The following ERC2 variants were observed in gnomAD, a reference collection of about 807,000 sequenced individuals.
The protein encoded by ERC2 is ERC protein 2.
Under a neutral mutation model 114.8 loss-of-function variants are expected in ERC2, and 42 were observed. The ratio of observed to expected loss-of-function variants is 0.37; its 90% CI spans 0.29 to 0.47. The LOEUF is 0.47. Ranked by LOEUF, ERC2 falls within the 20% of genes least tolerant of loss-of-function variation. The pLI is 0.99. For missense variants in ERC2, 939 were observed against 1,150.7 expected, an observed-to-expected ratio of 0.82 and a Z score of 2.66; for synonymous variants, 454 against 425.5, an observed-to-expected ratio of 1.07 and a Z score of -0.82.
chr3:56,080,719 T>C, intron 7 of ERC2, 98 bp downstream of exon 7: 1 of 1,225,808 alleles, frequency 8.2e-7, no homozygotes, highest in South Asian at 1.5e-5. Context: ...TTCCTAAAGA[T>C]TCGTAAAAGA....
chr3:56,152,995 A>G (rs1409814862), intron 4 of ERC2, among the ~76,000 whole-genome samples: 1 of 152,200 alleles, frequency 6.6e-6, no homozygotes, highest in Non-Finnish European at 1.5e-5. Context: ...GCACTAGCCC[A>G]TGACGGCTAT....
chr3:56,275,493 A>C (rs2053929964), intron 3 of ERC2, among the ~76,000 whole-genome samples: 2 of 152,232 alleles, frequency 1.3e-5, no homozygotes, highest in South Asian at 4.1e-4. Context: ...GCAGTTAAAC[A>C]ACTTGCCAGA....
At chr3:55,905,655 T>A (rs1156631460) in intron 13 of ERC2, among the ~76,000 whole-genome samples, 1 of 152,198 alleles carries the variant, frequency 6.6e-6, no homozygotes, top group South Asian at 2.1e-4. Context: ...TAGTATCTAT[T>A]GCCTTGCAAA....
intron 2 of ERC2, among the ~76,000 whole-genome samples, chr3:56,335,129 A>AG (rs1009132908): frequency 6.6e-6 from 1 of 152,234 alleles, no homozygotes; most frequent in Non-Finnish European, 1.5e-5. Flanking sequence ...TAATGGGCAT[A>AG]GGGCATCTAA....
At position 55,709,390 on chromosome 3, in the gene ERC2, A is replaced by C. The variant is rs564346604; in HGVS notation, c.2713-9878T>G. On this transcript the variant is annotated intron_variant, in intron 15 of 17. Coordinates refer to ENST00000288221, the MANE Select transcript of ERC2 (RefSeq NM_015576.3). Reference sequence around the variant, plus strand: ...AAAATAAATTATAACAAGCACATCAAAGAGAGGTTTCATAGAAATTATGTC... The same window carrying C: ...AAAATAAATTATAACAAGCACATCACAGAGAGGTTTCATAGAAATTATGTC... Among the ~76,000 whole-genome samples, 39 of 152,346 alleles carry C rather than the reference A, an allele frequency of 2.6e-4. No individual in the cohort carries two copies. The South Asian group carries it at 5.6e-3, about 22-fold the overall frequency.
chr3:55,967,792 G>A (rs891537084), intron 12 of ERC2, among the ~76,000 whole-genome samples: 1 of 152,072 alleles, frequency 6.6e-6, no homozygotes, highest in African/African-American at 2.4e-5. Context: ...CCTGGGAGTG[G>A]GTTCCTTATG....
chr3:55,583,324 T>C (rs1010381046), intron 17 of ERC2, among the ~76,000 whole-genome samples: 186 of 152,252 alleles, frequency 1.2e-3, no homozygotes, highest in Middle Eastern at 3.4e-3. Flanking sequence ...GTTTCCAGTG[T>C]GGAAGCTTGC....
At chr3:56,017,235 G>GGA (rs2073370090) in intron 8 of ERC2, among the ~76,000 whole-genome samples, 2 of 152,070 alleles carry the variant, frequency 1.3e-5, no homozygotes, top group South Asian at 4.1e-4. Context: ...TTGGAGGAGA[G>GGA]GAGAGAGCAT....
chr3:56,010,017 G>A (rs1393399348), intron 9 of ERC2, among the ~76,000 whole-genome samples: 1 of 152,130 alleles, frequency 6.6e-6, no homozygotes, highest in Non-Finnish European at 1.5e-5. Context: ...GTATTGGGTG[G>A]TCCCTTTGAA....
At chr3:55,846,070 A>G (rs895116712) in intron 14 of ERC2, among the ~76,000 whole-genome samples, 3 of 152,200 alleles carry the variant, frequency 2.0e-5, no homozygotes, top group Non-Finnish European at 2.9e-5. Context: ...ACAGGGATTT[A>G]TTGTACAGAT....
At chr3:56,218,883 G>A (rs541962753) in intron 3 of ERC2, among the ~76,000 whole-genome samples, 18 of 152,086 alleles carry the variant, frequency 1.2e-4, no homozygotes, top group Admixed American at 3.9e-4. Context: ...GCAAACTATC[G>A]CAAGGACAAA....
intron 14 of ERC2, among the ~76,000 whole-genome samples, chr3:55,745,313 T>C (rs1485248642): frequency 6.6e-6 from 1 of 152,214 alleles, no homozygotes; most frequent in Non-Finnish European, 1.5e-5. Context: ...TCACATAGTT[T>C]AAGAAACTGA....
intron 14 of ERC2, among the ~76,000 whole-genome samples, chr3:55,746,750 C>T (rs1342641463): frequency 2.6e-5 from 4 of 152,142 alleles, no homozygotes; most frequent in Non-Finnish European, 4.4e-5. Flanking sequence ...AGGTCTGATC[C>T]CTTCTGGGAG....
intron 16 of ERC2, among the ~76,000 whole-genome samples, chr3:55,693,418 C>T (rs1396184432): frequency 6.6e-6 from 1 of 152,014 alleles, no homozygotes; most frequent in African/African-American, 2.4e-5. Flanking sequence ...GGAGAGTGAG[C>T]AAGGGAATGT....
At chr3:56,228,965 G>T (rs941608192) in intron 3 of ERC2, among the ~76,000 whole-genome samples, 2 of 151,988 alleles carry the variant, frequency 1.3e-5, no homozygotes, top group Admixed American at 1.3e-4. Context: ...GGTTATAATG[G>T]GTAAGAGTCC....
intron 3 of ERC2, among the ~76,000 whole-genome samples, chr3:56,204,544 G>A (rs1006114649): frequency 3.3e-4 from 39 of 116,686 alleles, no homozygotes; most frequent in East Asian, 1.0e-3. Context: ...TCACTCTGTC[G>A]CCAGCCTGGA....
At chr3:55,924,949 C>T (rs1407590926) in intron 13 of ERC2, among the ~76,000 whole-genome samples, 1 of 152,132 alleles carries the variant, frequency 6.6e-6, no homozygotes, top group Non-Finnish European at 1.5e-5. Flanking sequence ...AAGGACAGTA[C>T]AGAGAATTAT....
At chr3:56,020,477 A>G (rs887912338) in intron 7 of ERC2, among the ~76,000 whole-genome samples, 3 of 152,184 alleles carry the variant, frequency 2.0e-5, no homozygotes, top group African/African-American at 4.8e-5. Context: ...AAACACAGCA[A>G]TTCAGAAGGC....
chr3:55,625,143 G>A (rs185464754), intron 17 of ERC2, among the ~76,000 whole-genome samples: 5 of 152,102 alleles, frequency 3.3e-5, no homozygotes, highest in Admixed American at 3.3e-4. Flanking sequence ...CGAGGTAGGC[G>A]GATCACTTGA....
Sources: allele counts gnomAD v4.1 joint callset (sites outside exome capture counted in the v4.1 genomes callset), GRCh38; gene constraint gnomAD v4.1.1; transcripts MANE v1.5; gene names NCBI Gene and HGNC (gene_info 2026-07-23, HGNC 2026-07-21).